PLEKHA1: variants seen among roughly 807,000 people sequenced by gnomAD.
PLEKHA1 encodes pleckstrin homology domain containing A1.
PLEKHA1 carries 34 observed loss-of-function variants against 52.0 expected under a neutral mutation model. That is an observed-to-expected ratio of 0.65 (90% confidence interval 0.50 to 0.87). PLEKHA1 has a LOEUF of 0.87. PLEKHA1 is among the 40% of genes least tolerant of loss of function. The pLI is 0.00. For synonymous variants in PLEKHA1, 163 were observed against 170.7 expected, an observed-to-expected ratio of 0.95 and a Z score of 0.35; for missense variants, 497 against 504.2, an observed-to-expected ratio of 0.99 and a Z score of 0.14.
At position 122,394,092 on chromosome 10, in the gene PLEKHA1, T is replaced by TTTTTG. The variant is rs1554912535; in HGVS notation, c.141+754_141+755insTGTTT. 1.8e-5 allele frequency among the ~76,000 whole-genome samples: 2 copies of TTTTTG among 110,678 alleles called. 1 individual carries two copies. Among genetic ancestry groups the TTTTTG allele is most frequent in the Non-Finnish European group, 3.9e-5 (2 of 51,264 alleles). 72.6% of individuals were successfully genotyped at this position (110,678 alleles called of 152,430 possible). ...TACTTTTTTTTTTTTTTTTTTTTTT[T>TTTTTG]TTTGAGATGGAGTCTCTTATCACCC... On this transcript the variant is annotated intron_variant, in intron 2 of 11. Transcript: ENST00000368990.
intron 4 of PLEKHA1, among the ~76,000 whole-genome samples, chr10:122,404,479 T>C (rs757384188): frequency 3.3e-5 from 5 of 152,232 alleles, no homozygotes; most frequent in Non-Finnish European, 2.9e-5. Flanking sequence ...TCTTCAGATA[T>C]TCTGGGCAGA....
intron 1 of PLEKHA1, among the ~76,000 whole-genome samples, chr10:122,378,837 T>C (rs1023867349): frequency 9.2e-5 from 14 of 151,476 alleles, no homozygotes; most frequent in African/African-American, 2.9e-4. Flanking sequence ...AGGTTTTTTT[T>C]CCCTTCCTTA....
Position 122,393,118 on chromosome 10 carries a change from CA to C in PLEKHA1, c.-20-62del. ...GTTGCCCCCTCATTGAACAGATTTG[CA>C]GTCCATGAGAAATACTTTCCTGTTT... is the stretch of plus-strand genomic sequence containing the variant. On this transcript the variant is annotated intron_variant, in intron 1 of 11. Transcript: ENST00000368990. The surrounding 1 kb of genome is among the most constrained non-coding windows in gnomAD (Gnocchi z 4.5). 1 of 1,335,500 alleles carries C rather than the reference CA, an allele frequency of 7.5e-7. No individual in the cohort carries two copies. The highest frequency in any genetic ancestry group is 1.0e-6 in the Non-Finnish European group (1 of 992,364). The allele number at this position is 1,335,500 out of a possible 1,614,324, so 82.7% of individuals were successfully genotyped here.
chr10:122,404,618 A>G (rs2421022), intron 4 of PLEKHA1, among the ~76,000 whole-genome samples: 47,744 of 152,110 alleles, frequency 0.31, 8,111 homozygotes, highest in Non-Finnish European at 0.4. Context: ...TTATTTATTG[A>G]TAGATATAGC....
At chr10:122,403,289 A>C (rs901401546) in intron 4 of PLEKHA1, among the ~76,000 whole-genome samples, 5 of 152,210 alleles carry the variant, frequency 3.3e-5, no homozygotes, top group African/African-American at 1.2e-4. Flanking sequence ...AGGACAGAGG[A>C]AAGTACAGAA....
rs1186768170 is a variant in PLEKHA1, at chr10:122,417,938, A to G, written c.651A>G (p.Glu217=). ...NWKRRYFQLD[E]NTIGYFKSEL... Reference sequence around the variant, plus strand: ...AGAGAAGATATTTTCAATTGGATGAAAACACAATAGGCTACTTCAAATCTG... The same window carrying G: ...AGAGAAGATATTTTCAATTGGATGAGAACACAATAGGCTACTTCAAATCTG... The change falls in exon 8 of 12, where the codon GAA becomes GAG. Residue 217 remains glutamate, a synonymous_variant. Transcript: ENST00000368990. 6.2e-7 allele frequency: 1 copy of G among 1,612,014 alleles called. No homozygotes were observed. The highest frequency in any genetic ancestry group is 8.5e-7 in the Non-Finnish European group (1 of 1,178,556).
At position 122,417,980 on chromosome 10, in the gene PLEKHA1, C is replaced by T. The variant is rs760947533; in HGVS notation, c.681+12C>T. The T allele has an allele frequency of 1.0e-5, 16 of 1,590,628 alleles. No homozygotes were observed. The highest frequency in any genetic ancestry group is 3.3e-5 in the Admixed American group (2 of 59,882). ...TCAAATCTGAACTGGTATGTTGTTA[C>T]GTCATAAATGTTGCTATAAGAATGT... is the stretch of plus-strand genomic sequence containing the variant. On this transcript the variant is annotated intron_variant, in intron 8 of 11. Transcript: ENST00000368990.
rs2097418689 is a variant in PLEKHA1, at chr10:122,431,736, A to G, written c.*1798A>G. The G allele has an allele frequency of 6.6e-6, 1 of 152,604 alleles. No individual in the cohort carries two copies. The highest frequency in any genetic ancestry group is 6.5e-5 in the Admixed American group (1 of 15,270). 9.5% of individuals were successfully genotyped at this position (152,604 alleles called of 1,614,324 possible). On this transcript the variant is annotated 3_prime_UTR_variant, in exon 12 of 12. Transcript: ENST00000368990. ...TAAGCTAATATTTTTTTAAAGTTACATTAAGATTTTTTCTCTTTTGCAGCT... is the reference window on the plus strand; with the variant it reads ...TAAGCTAATATTTTTTTAAAGTTACGTTAAGATTTTTTCTCTTTTGCAGCT...
chr10:122,429,565 T>G, intron 11 of PLEKHA1, 59 bp from the exon 12 acceptor site: 8 of 1,481,318 alleles, frequency 5.4e-6, no homozygotes, highest in African/African-American at 1.4e-5. Context: ...AGTCTCACAC[T>G]GAGTTACTAA....
chr10:122,428,644 C>T (rs2097374492), intron 11 of PLEKHA1, among the ~76,000 whole-genome samples: 1 of 151,890 alleles, frequency 6.6e-6, no homozygotes. Flanking sequence ...TTTTAAGATA[C>T]AATACTTACG....
chr10:122,424,272 C>T lies in PLEKHA1; in HGVS notation c.746+9C>T. 6.3e-7 allele frequency: 1 copy of T among 1,581,952 alleles called. No homozygotes were observed. ...CAGGAATGTAAGCAAAGGTAAGGAA[C>T]CGCTCTGACTTGATGCCTGGCACAA... is the stretch of plus-strand genomic sequence containing the variant. On this transcript the variant is annotated intron_variant, in intron 9 of 11. Coordinates refer to ENST00000368990, the MANE Select transcript of PLEKHA1 (RefSeq NM_001001974.4).
intron 1 of PLEKHA1, chr10:122,387,549 T>G (rs2096717182): frequency 6.6e-6 from 1 of 152,242 alleles, no homozygotes; most frequent in Non-Finnish European, 1.5e-5. Flanking sequence ...GGTATATACC[T>G]GAGGGCTTTT....
At chr10:122,417,662 A>AC (rs1213185988) in intron 7 of PLEKHA1, among the ~76,000 whole-genome samples, 16 of 151,626 alleles carry the variant, frequency 1.1e-4, no homozygotes, top group African/African-American at 3.9e-4. Flanking sequence ...AAAAAAAAAA[A>AC]ACACATAAAA....
At chr10:122,376,387 GTAGT>G (rs1330631078) in intron 1 of PLEKHA1, among the ~76,000 whole-genome samples, 1 of 151,556 alleles carries the variant, frequency 6.6e-6, no homozygotes, top group Non-Finnish European at 1.5e-5. Flanking sequence ...AATTAATAAA[GTAGT>G]TAATTTATTT....
chr10:122,401,794 C>T (rs1237545484), intron 4 of PLEKHA1, among the ~76,000 whole-genome samples: 1 of 152,072 alleles, frequency 6.6e-6, no homozygotes, highest in African/African-American at 2.4e-5. Context: ...GAGTGGTCAA[C>T]TAACATCAAA....
intron 8 of PLEKHA1, chr10:122,423,932 A>G (rs1299421843): frequency 2.4e-6 from 1 of 412,124 alleles, no homozygotes; most frequent in Non-Finnish European, 4.2e-6. Context: ...ATAGCTTTTA[A>G]TTAGTTACAC....
intron 5 of PLEKHA1, among the ~76,000 whole-genome samples, chr10:122,409,369 G>T (rs1441362361): frequency 6.6e-6 from 1 of 152,202 alleles, no homozygotes; most frequent in Non-Finnish European, 1.5e-5. Context: ...CGAAGGGGGA[G>T]TATCAATGAC....
chr10:122,411,610 A>G (rs1168376386), intron 5 of PLEKHA1, among the ~76,000 whole-genome samples: 8 of 152,322 alleles, frequency 5.3e-5, no homozygotes, highest in African/African-American at 1.9e-4. Flanking sequence ...TTTGGGCTGC[A>G]CTATAGATAT....
At chr10:122,391,892 A>G (rs901565774) in intron 1 of PLEKHA1, among the ~76,000 whole-genome samples, 2 of 152,172 alleles carry the variant, frequency 1.3e-5, no homozygotes, top group Non-Finnish European at 2.9e-5. Flanking sequence ...CTGACTGCAT[A>G]TGGAATAGTG....
Sources: allele counts gnomAD v4.1 joint callset (sites outside exome capture counted in the v4.1 genomes callset), GRCh38; gene constraint gnomAD v4.1.1; non-coding constraint Gnocchi (gnomAD v3.1); transcripts MANE v1.5; gene names NCBI Gene and HGNC (gene_info 2026-07-23, HGNC 2026-07-21).